TNR: variants seen among roughly 807,000 people sequenced by gnomAD.
TNR encodes the protein tenascin-R.
Under a neutral mutation model 150.4 loss-of-function variants are expected in TNR, and 45 were observed. The observed-to-expected ratio is 0.30, with a 90% confidence interval of 0.24 to 0.38. The LOEUF (loss-of-function observed/expected upper bound fraction) is 0.38. Ranked by LOEUF, TNR falls within the 10% of genes least tolerant of loss-of-function variation. The pLI is 1.00. For synonymous variants in TNR, 687 were observed against 678.4 expected (o/e 1.01, Z -0.20); for missense variants, 1,544 against 1,759.1 (o/e 0.88, Z 2.19).
chr1:175,393,145 G>A lies in TNR; in HGVS notation c.1356+635C>T, dbSNP rs146472018. ...GCCAGGCATACACCTGTGGCAATTCGGAAAAGTTAGTTTTAGAATTAAGAA... is the reference window on the plus strand; with the variant it reads ...GCCAGGCATACACCTGTGGCAATTCAGAAAAGTTAGTTTTAGAATTAAGAA... On this transcript the variant is annotated intron_variant, in intron 6 of 22. Transcript: ENST00000367674. 1.2e-3 allele frequency among the ~76,000 whole-genome samples: 189 copies of A among 152,230 alleles called. 2 individuals carry two copies. The highest frequency in any genetic ancestry group is 4.0e-3 in the African/African-American group (166 of 41,534).
At chr1:175,343,953 C>T (rs764754114) in intron 18 of TNR, among the ~76,000 whole-genome samples, 38 of 152,012 alleles carry the variant, frequency 2.5e-4, no homozygotes, top group Non-Finnish European at 4.0e-4. Context: ...TTTTGAACAA[C>T]GAATTGGACA....
At chr1:175,604,932 G>A (rs942207399) in intron 1 of TNR, among the ~76,000 whole-genome samples, 1 of 152,194 alleles carries the variant, frequency 6.6e-6, no homozygotes, top group African/African-American at 2.4e-5. Context: ...ATATCCTAGA[G>A]GAGAGGAGGA....
chr1:175,537,885 G>C (rs1660356404), intron 1 of TNR, among the ~76,000 whole-genome samples: 1 of 152,184 alleles, frequency 6.6e-6, no homozygotes, highest in Non-Finnish European at 1.5e-5. Context: ...CAGAACTGGT[G>C]GTGGGGGGCG....
chr1:175,497,238 G>A lies in TNR; in HGVS notation c.-64+31031C>T, dbSNP rs116387489. 4.2e-3 allele frequency among the ~76,000 whole-genome samples: 641 copies of A among 152,214 alleles called. 5 individuals carry two copies. The highest frequency in any genetic ancestry group is 0.015 in the African/African-American group (608 of 41,528). ...TTTCCTCTTCCCTTCACTTCTCCTC[G>A]GTTTTGGTTTGGCGTGGGAGCAGAA... is the stretch of plus-strand genomic sequence containing the variant. On this transcript the variant is annotated intron_variant, in intron 2 of 22. Coordinates refer to ENST00000367674, the MANE Select transcript of TNR (RefSeq NM_003285.3).
At chr1:175,356,194 A>G (rs1053916385) in intron 16 of TNR, 125 bp downstream of exon 16, 1 of 1,363,412 alleles carries the variant, frequency 7.3e-7, no homozygotes, top group African/African-American at 1.5e-5. Context: ...AGTCAGTCCA[A>G]ATAAGAACAG....
chr1:175,666,388 C>T (rs1043441569), intron 1 of TNR, among the ~76,000 whole-genome samples: 1 of 152,170 alleles, frequency 6.6e-6, no homozygotes, highest in African/African-American at 2.4e-5. Flanking sequence ...CTTGACCACT[C>T]TTAGAACCCC....
At chr1:175,612,546 A>G (rs1663630876) in intron 1 of TNR, among the ~76,000 whole-genome samples, 1 of 152,140 alleles carries the variant, frequency 6.6e-6, no homozygotes. Context: ...AGTGCTAAAT[A>G]CTAGGATTTT....
chr1:175,613,437 A>G (rs1340913185), intron 1 of TNR, among the ~76,000 whole-genome samples: 4 of 152,124 alleles, frequency 2.6e-5, no homozygotes, highest in Admixed American at 2.6e-4. Flanking sequence ...GTTAGCACCC[A>G]TATCCCCCTC....
chr1:175,447,214 A>G (rs1243999264), intron 2 of TNR, among the ~76,000 whole-genome samples: 3 of 128,738 alleles, frequency 2.3e-5, no homozygotes, highest in African/African-American at 5.7e-5. Flanking sequence ...TCAGGGGAGG[A>G]GTGGGTGAGG....
At chr1:175,468,182 C>G (rs975859474) in intron 2 of TNR, among the ~76,000 whole-genome samples, 5 of 152,096 alleles carry the variant, frequency 3.3e-5, no homozygotes, top group Admixed American at 3.3e-4. Flanking sequence ...GCCACTGATG[C>G]GCTAGTGAAG....
intron 4 of TNR, among the ~76,000 whole-genome samples, chr1:175,400,874 A>T (rs1653676685): frequency 6.6e-6 from 1 of 152,158 alleles, no homozygotes; most frequent in Non-Finnish European, 1.5e-5. Flanking sequence ...TTAGATAATG[A>T]CCTAGATACT....
intron 1 of TNR, among the ~76,000 whole-genome samples, chr1:175,540,836 C>T (rs942365814): frequency 6.6e-6 from 1 of 151,226 alleles, no homozygotes; most frequent in Non-Finnish European, 1.5e-5. Flanking sequence ...CCATGCTACT[C>T]CTAGAGGATT....
chr1:175,676,942 A>G (rs1665883638), intron 1 of TNR, among the ~76,000 whole-genome samples: 1 of 152,168 alleles, frequency 6.6e-6, no homozygotes, highest in Non-Finnish European at 1.5e-5. Context: ...GGAGGCAAGC[A>G]TTGTTCCCAT....
chr1:175,659,202 A>T (rs1665285813), intron 1 of TNR, among the ~76,000 whole-genome samples: 1 of 152,226 alleles, frequency 6.6e-6, no homozygotes, highest in Non-Finnish European at 1.5e-5. Flanking sequence ...AGGCTAAAAG[A>T]ATCATGGCCT....
intron 2 of TNR, among the ~76,000 whole-genome samples, chr1:175,468,884 A>G (rs535084612): frequency 6.6e-6 from 1 of 152,266 alleles, no homozygotes; most frequent in Non-Finnish European, 1.5e-5. Flanking sequence ...GTGAGCACAA[A>G]GCTGGCGGCC....
chr1:175,738,888 A>T (rs1253623736), intron 1 of TNR, among the ~76,000 whole-genome samples: 1 of 152,210 alleles, frequency 6.6e-6, no homozygotes, highest in Non-Finnish European at 1.5e-5. Flanking sequence ...AGGAAATCTC[A>T]TCTTTATTAG....
chr1:175,354,716 C>T (rs1651236230), intron 17 of TNR, among the ~76,000 whole-genome samples, 193 bp from the exon 18 acceptor site: 1 of 152,186 alleles, frequency 6.6e-6, no homozygotes, highest in South Asian at 2.1e-4. Context: ...AGATTTAGGC[C>T]AGCTCCTATC....
intron 1 of TNR, among the ~76,000 whole-genome samples, chr1:175,711,407 G>A (rs1667010374): frequency 6.6e-6 from 1 of 152,210 alleles, no homozygotes; most frequent in Non-Finnish European, 1.5e-5. Flanking sequence ...AAGGAGGCCA[G>A]TGTGGCAGGA....
intron 1 of TNR, among the ~76,000 whole-genome samples, chr1:175,601,461 G>A (rs1217246503): frequency 4.6e-5 from 7 of 152,156 alleles, no homozygotes; most frequent in Non-Finnish European, 7.3e-5. Flanking sequence ...AACTTAAGAG[G>A]CCTGAGTTCC....
Sources: allele counts gnomAD v4.1 joint callset (sites outside exome capture counted in the v4.1 genomes callset), GRCh38; gene constraint gnomAD v4.1.1; transcripts MANE v1.5; gene names NCBI Gene and HGNC (gene_info 2026-07-23, HGNC 2026-07-21).